SH3BP4: variants seen among roughly 807,000 people sequenced by gnomAD.
The protein encoded by SH3BP4 is SH3 domain binding protein 4.
Under a neutral mutation model 65.5 loss-of-function variants are expected in SH3BP4, and 33 were observed. The ratio of observed to expected loss-of-function variants is 0.50; its 90% CI spans 0.38 to 0.67. The LOEUF (loss-of-function observed/expected upper bound fraction) is 0.67. SH3BP4 is among the 30% of genes least tolerant of loss of function. The pLI is 0.00. For synonymous variants in SH3BP4, 552 were observed against 545.5 expected, an observed-to-expected ratio of 1.01 and a Z score of -0.17; for missense variants, 1,134 against 1,261.4, an observed-to-expected ratio of 0.90 and a Z score of 1.53.
chr2:235,004,871 T>C (rs1694244980), intron 2 of SH3BP4, among the ~76,000 whole-genome samples: 1 of 152,260 alleles, frequency 6.6e-6, no homozygotes, highest in Non-Finnish European at 1.5e-5. Context: ...TTCTAAGAGC[T>C]GTCTTCTCTC....
chr2:234,972,527 C>A (rs1693032001), intron 1 of SH3BP4, among the ~76,000 whole-genome samples: 1 of 151,556 alleles, frequency 6.6e-6, no homozygotes, highest in Admixed American at 6.6e-5. Context: ...CAGTCTGAGA[C>A]CAGCATGGGC....
Position 235,053,789 on chromosome 2 carries a change from T to C in SH3BP4, c.2865T>C (p.Pro955=). 1 of 1,614,234 alleles carries C rather than the reference T, an allele frequency of 6.2e-7. No homozygotes were observed. Among genetic ancestry groups the C allele is most frequent in the Middle Eastern group, 1.7e-4 (1 of 6,060 alleles). Residue 955 remains proline (P), a synonymous_variant, in exon 6 of 6, where the codon CCT becomes CCC. Transcript: ENST00000392011. ...TTCTGAGAGCAGCCGCCTTCAGCCC[T>C]GCGGACCAGGACGACTTCGTGATTT... ...LDVLRAAAFS[P]ADQDDFVI is the part of the protein sequence containing the mutation.
rs770862910 is a variant in SH3BP4 at position 235,040,876 on chromosome 2, T to G, written c.119-12T>G. ...TTGCCCTCACCATCTGTTTTCTTTG[T>G]GTTTTGCACAGTGCCTTCTCCCAGT... On this transcript the variant is annotated splice_polypyrimidine_tract_variant and intron_variant, in intron 3 of 5. Transcript: ENST00000392011. 3.7e-6 allele frequency: 6 copies of G among 1,600,898 alleles called. No individual in the cohort carries two copies. The highest frequency in any genetic ancestry group is 5.1e-6 in the Non-Finnish European group (6 of 1,169,174).
At chr2:235,012,264 C>G (rs1207679233) in intron 2 of SH3BP4, among the ~76,000 whole-genome samples, 1 of 152,168 alleles carries the variant, frequency 6.6e-6, no homozygotes, top group East Asian at 1.9e-4. Flanking sequence ...CTGCTGCACA[C>G]AGCACAGTTC....
rs74594892 is a variant in SH3BP4 at position 235,030,546 on chromosome 2, A to C, written c.-132-4325A>C. 0.018 allele frequency among the ~76,000 whole-genome samples: 2,699 copies of C among 151,978 alleles called. 76 individuals carry two copies. The highest frequency in any genetic ancestry group is 0.06 in the African/African-American group (2,484 of 41,440). ...ACGTCTGTTGTTAGATGCCGTTAGA[A>C]TCCATCGGGGGAAGTGGGTGATCCA... On this transcript the variant is annotated intron_variant, in intron 2 of 5. Transcript: ENST00000392011. This position sits in a 1 kb window ranked among gnomAD's most constrained non-coding sequence, Gnocchi z 4.1.
chr2:235,024,288 C>T (rs377443947), intron 2 of SH3BP4, among the ~76,000 whole-genome samples: 3 of 152,314 alleles, frequency 2.0e-5, no homozygotes, highest in South Asian at 2.1e-4. Context: ...TCCTAAGCGA[C>T]GCCCTGAGGG....
rs1267066505 is a variant in SH3BP4 at position 235,053,756 on chromosome 2, C to T, written c.2832C>T (p.Ser944=). The change falls in exon 6 of 6, where the codon TCC becomes TCT. Residue 944 remains serine (S), a synonymous_variant. Coordinates refer to ENST00000392011, the MANE Select transcript of SH3BP4 (RefSeq NM_014521.3). ...HLTGTLILVN[S]LDVLRAAAFS... is the part of the protein sequence containing the mutation. ...CTGGGACTCTGATCTTGGTGAACTC[C>T]CTGGACGTTCTGAGAGCAGCCGCCT... is the stretch of plus-strand genomic sequence containing the variant. 1 of 1,614,218 alleles carries T rather than the reference C, an allele frequency of 6.2e-7. No individual in the cohort carries two copies. The highest frequency in any genetic ancestry group is 1.7e-5 in the Admixed American group (1 of 60,024).
At chr2:234,969,301 G>C (rs575432752) in intron 1 of SH3BP4, among the ~76,000 whole-genome samples, 7 of 152,318 alleles carry the variant, frequency 4.6e-5, no homozygotes, top group African/African-American at 1.7e-4. Flanking sequence ...TGGCTTTGGG[G>C]AACGGTAGAG....
intron 2 of SH3BP4, among the ~76,000 whole-genome samples, chr2:235,003,463 C>T (rs764179556): frequency 5.4e-4 from 83 of 152,362 alleles, no homozygotes; most frequent in Non-Finnish European, 9.7e-4. Flanking sequence ...GAGGGTCATT[C>T]GAAGGATAGA....
At chr2:234,960,418 T>G (rs1171587679) in intron 1 of SH3BP4, among the ~76,000 whole-genome samples, 2 of 152,358 alleles carry the variant, frequency 1.3e-5, no homozygotes, top group East Asian at 3.9e-4. Context: ...TCCTTTACAG[T>G]GTGGGACTAG....
At chr2:234,990,361 C>A (rs1163325574) in intron 1 of SH3BP4, among the ~76,000 whole-genome samples, 1 of 152,136 alleles carries the variant, frequency 6.6e-6, no homozygotes, top group Non-Finnish European at 1.5e-5. Flanking sequence ...ACTGTGGAGG[C>A]TTAAAAAATC....
At chr2:234,992,990 G>A (rs907578270) in intron 1 of SH3BP4, among the ~76,000 whole-genome samples, 39 of 151,994 alleles carry the variant, frequency 2.6e-4, no homozygotes, top group Admixed American at 3.9e-4. Context: ...TTCCTGCCAT[G>A]TGGGCTCTGG....
At chr2:235,048,556 G>A (rs1695950765) in intron 4 of SH3BP4, among the ~76,000 whole-genome samples, 1 of 151,114 alleles carries the variant, frequency 6.6e-6, no homozygotes, top group African/African-American at 2.4e-5. Context: ...CCAGGCCGGT[G>A]TGGAACTCAT....
intron 3 of SH3BP4, among the ~76,000 whole-genome samples, chr2:235,038,299 T>A (rs868705661): frequency 1.7e-4 from 2 of 11,788 alleles, no homozygotes; most frequent in African/African-American, 7.9e-4. Context: ...AATATATATA[T>A]TATATATATA....
intron 1 of SH3BP4, among the ~76,000 whole-genome samples, chr2:234,983,692 T>C (rs1361627076): frequency 6.6e-6 from 1 of 152,146 alleles, no homozygotes; most frequent in Non-Finnish European, 1.5e-5. Flanking sequence ...TCACGGGTCT[T>C]TTAAGAGGGA....
At position 235,042,946 on chromosome 2, in the gene SH3BP4, G is replaced by C. The variant is rs778825227; in HGVS notation, c.2177G>C (p.Arg726Pro). 1 of 1,613,018 alleles carries C rather than the reference G, an allele frequency of 6.2e-7. No individual in the cohort carries two copies. Among genetic ancestry groups the C allele is most frequent in the South Asian group, 1.1e-5 (1 of 91,056 alleles). Residue 726 changes from arginine (R) to proline (P), a missense_variant, in exon 4 of 6, where the codon CGG (arginine) becomes CCG (proline). Physicochemically the swap from Arg to Pro is moderately radical, Grantham distance 103. Coordinates refer to ENST00000392011, the MANE Select transcript of SH3BP4 (RefSeq NM_014521.3). This position sits in a 1 kb window ranked among gnomAD's most constrained non-coding sequence, Gnocchi z 7.3. ...AACGTGCTGGTGGTCGGCAGGGCCCGGCCCAGCCTGTGCTCGGGCCCCGAG... is the reference window on the plus strand; with the variant it reads ...AACGTGCTGGTGGTCGGCAGGGCCCCGCCCAGCCTGTGCTCGGGCCCCGAG... ...TKNVLVVGRARPSLCSGPELS... is the reference protein window; with the variant it reads ...TKNVLVVGRAPPSLCSGPELS...
chr2:235,027,360 A>G (rs1695034652), intron 2 of SH3BP4, among the ~76,000 whole-genome samples: 1 of 138,140 alleles, frequency 7.2e-6, no homozygotes, highest in Non-Finnish European at 1.6e-5. Flanking sequence ...CCAGGCCCCG[A>G]AGGCTTCTCC....
At chr2:235,025,424 G>T (rs1212119816) in intron 2 of SH3BP4, among the ~76,000 whole-genome samples, 1 of 152,134 alleles carries the variant, frequency 6.6e-6, no homozygotes, top group Non-Finnish European at 1.5e-5. Context: ...ATGATAAGCA[G>T]CCGAGGGAAG....
Position 235,052,474 on chromosome 2 carries a change from T to G in SH3BP4, c.2479-88T>G. The G allele has an allele frequency of 9.1e-7, 1 of 1,095,874 alleles. No individual in the cohort carries two copies. The highest frequency in any genetic ancestry group is 1.3e-6 in the Non-Finnish European group (1 of 784,902). The allele number at this position is 1,095,874 out of a possible 1,614,324, so 67.9% of individuals were successfully genotyped here. A position where few individuals can be genotyped will look rare whatever the true frequency, so the allele number is the denominator to read the frequency against. On this transcript the variant is annotated intron_variant, in intron 4 of 5. Transcript: ENST00000392011. This position sits in a 1 kb window ranked among gnomAD's most constrained non-coding sequence, Gnocchi z 5.0. ...ATGGAGAATAGAGAGCCCATGGCCA[T>G]TCCTGCGCCGTCTGCTGGAATTCTG...
Sources: gnomAD v4.1 joint callset for allele counts (sites outside exome capture counted in the v4.1 genomes callset) on GRCh38, gnomAD v4.1.1 for gene constraint, Gnocchi (gnomAD v3.1) non-coding constraint, MANE v1.5 for transcripts, NCBI Gene and HGNC (gene_info 2026-07-23, HGNC 2026-07-21) for gene names.